CRTC1: variants seen among roughly 807,000 people sequenced by gnomAD.
CRTC1 encodes CREB-regulated transcription coactivator 1.
In CRTC1, 18 loss-of-function variants were observed where a neutral mutation model predicts 66.1. The ratio of observed to expected loss-of-function variants is 0.27; its 90% CI spans 0.19 to 0.40. The LOEUF is 0.40. Among genes scored for constraint, CRTC1 ranks in the 10% least tolerant of loss-of-function variants. The pLI, the probability that CRTC1 is intolerant of heterozygous loss-of-function variation, is 1.00. For missense variants in CRTC1, 669 were observed against 887.9 expected (o/e 0.75, Z 3.13); for synonymous variants, 416 against 398.8 (o/e 1.04, Z -0.51).
intron 1 of CRTC1, among the ~76,000 whole-genome samples, chr19:18,690,209 G>A (rs1361907509): frequency 6.6e-6 from 1 of 151,982 alleles, no homozygotes; most frequent in Non-Finnish European, 1.5e-5. Context: ...AAGTACCCAG[G>A]CAAGACAGTC....
intron 1 of CRTC1, among the ~76,000 whole-genome samples, chr19:18,735,850 C>G (rs982588627): frequency 6.6e-6 from 1 of 152,212 alleles, no homozygotes; most frequent in African/African-American, 2.4e-5. Flanking sequence ...GCCTGGAGAT[C>G]TAATGCTTGC....
At chr19:18,776,669 G>A (rs2054996209) in intron 13 of CRTC1, among the ~76,000 whole-genome samples, 2 of 152,230 alleles carry the variant, frequency 1.3e-5, no homozygotes, top group East Asian at 3.9e-4. Context: ...AGAAAGACAG[G>A]GCGTTTCAGC....
intron 1 of CRTC1, among the ~76,000 whole-genome samples, chr19:18,737,742 C>G (rs4500880): frequency 0.021 from 3,075 of 148,578 alleles, 105 homozygotes; most frequent in African/African-American, 0.074. Flanking sequence ...TGCTGCTGCT[C>G]CTCCTCCTCC....
chr19:18,779,430 A>G lies in CRTC1; in HGVS notation c.*2048A>G. On this transcript the variant is annotated 3_prime_UTR_variant, in exon 14 of 14. Transcript: ENST00000321949. ...GTCAAGGTCCCTTTCTCTTACCATG[A>G]CAGAGGCTGGGGGCAGACAGCGGGG... The G allele has an allele frequency of 4.5e-6, 1 of 221,612 alleles. No individual in the cohort carries two copies. The highest frequency in any genetic ancestry group is 2.3e-5 in the African/African-American group (1 of 44,388). The allele number at this position is 221,612 out of a possible 1,614,324, so 13.7% of individuals were successfully genotyped here.
In CRTC1 at chr19:18,768,733, T is replaced by A. The variant is rs1294828148; in HGVS notation, c.1260T>A (p.Ser420=). 1.3e-6 allele frequency: 2 copies of A among 1,598,248 alleles called. No homozygotes were observed. The highest frequency in any genetic ancestry group is 2.3e-5 in the South Asian group (2 of 88,292). The change falls in exon 10 of 14, where the codon TCT becomes TCA. Residue 420 remains serine, a synonymous_variant. Coordinates refer to ENST00000321949, the MANE Select transcript of CRTC1 (RefSeq NM_015321.3). This position sits in a 1 kb window ranked among gnomAD's most constrained non-coding sequence, Gnocchi z 5.6. Reference sequence around the variant, plus strand: ...CGCTTGCAGTCACGGTACCGTCCTCTCTCCCCCAGTCCCCCCCAGAGAACC... The same window carrying A: ...CGCTTGCAGTCACGGTACCGTCCTCACTCCCCCAGTCCCCCCCAGAGAACC... The part of the protein sequence containing the change: ...PPPLAVTVPS[S]LPQSPPENPG...
chr19:18,693,969 C>T (rs868781185), intron 1 of CRTC1, among the ~76,000 whole-genome samples: 1 of 151,796 alleles, frequency 6.6e-6, no homozygotes, highest in South Asian at 2.1e-4. Context: ...CCTGTCTCTA[C>T]TAAAATACAA....
chr19:18,694,721 T>C (rs1257445977), intron 1 of CRTC1, among the ~76,000 whole-genome samples: 9 of 151,976 alleles, frequency 5.9e-5, no homozygotes, highest in Admixed American at 5.9e-4. Flanking sequence ...CAGGTGTGAG[T>C]CACTGCGCCA....
chr19:18,689,845 A>G (rs954734002), intron 1 of CRTC1, among the ~76,000 whole-genome samples: 2 of 151,414 alleles, frequency 1.3e-5, no homozygotes, highest in African/African-American at 2.4e-5. Flanking sequence ...TTCTCAGAGC[A>G]TGTGCTGGGG....
chr19:18,705,682 T>C (rs2053245990), intron 1 of CRTC1, among the ~76,000 whole-genome samples: 1 of 152,226 alleles, frequency 6.6e-6, no homozygotes, highest in African/African-American at 2.4e-5. Flanking sequence ...CATTTTATGT[T>C]CCTACCAACA....
intron 1 of CRTC1, among the ~76,000 whole-genome samples, chr19:18,697,686 T>G (rs1361317905): frequency 6.6e-6 from 1 of 152,190 alleles, no homozygotes; most frequent in Non-Finnish European, 1.5e-5. Context: ...TGGATCATGG[T>G]GAGACGTGAA....
chr19:18,770,138 C>T (rs1208548523), intron 10 of CRTC1, among the ~76,000 whole-genome samples: 1 of 152,100 alleles, frequency 6.6e-6, no homozygotes, highest in Non-Finnish European at 1.5e-5. Context: ...CATTCAGTGA[C>T]TGGCTCAGAC....
intron 9 of CRTC1, 66 bp downstream of exon 9, chr19:18,765,594 C>T (rs930760331): frequency 1.1e-4 from 163 of 1,469,868 alleles, no homozygotes; most frequent in Non-Finnish European, 1.7e-5. Flanking sequence ...GGCTCTACCT[C>T]TTAGAAGGCC....
chr19:18,774,778 C>CATCA, intron 11 of CRTC1, 122 bp from the exon 12 acceptor site: 2 of 861,252 alleles, frequency 2.3e-6, no homozygotes, highest in South Asian at 3.0e-5. Flanking sequence ...TAAGCATCAT[C>CATCA]ATCAGCCTCC....
rs2055041374 is a variant in CRTC1, at chr19:18,778,393, A to C, written c.*1011A>C. 1 of 232,506 alleles carries C rather than the reference A, an allele frequency of 4.3e-6. No homozygotes were observed. Among genetic ancestry groups the C allele is most frequent in the Non-Finnish European group, 8.5e-6 (1 of 117,564 alleles). 14.4% of individuals were successfully genotyped at this position (232,506 alleles called of 1,614,324 possible). On this transcript the variant is annotated 3_prime_UTR_variant, in exon 14 of 14. Transcript: ENST00000321949. ...GAGCATGTTTTTATTTCAGAAATCCAACTTTACCTATTTTTTAAGCTAACT... is the reference window on the plus strand; with the variant it reads ...GAGCATGTTTTTATTTCAGAAATCCCACTTTACCTATTTTTTAAGCTAACT...
chr19:18,759,896 C>G (rs1025689736), intron 7 of CRTC1, 112 bp from the exon 8 acceptor site: 1 of 869,980 alleles, frequency 1.1e-6, no homozygotes, highest in African/African-American at 1.7e-5. Context: ...CACACGGCAC[C>G]TGATGGGGGG....
chr19:18,740,740 A>G (rs945759583), intron 1 of CRTC1, among the ~76,000 whole-genome samples: 6 of 152,186 alleles, frequency 3.9e-5, no homozygotes, highest in Admixed American at 3.9e-4. Context: ...GCGGTGACTC[A>G]TTCCTGTAAT....
In CRTC1 at chr19:18,771,216, C is replaced by T. The variant is rs79319651; in HGVS notation, c.1321-226C>T. ...AAGGAGGGCAGTTATTCACCCTCCACGCCGTTCCTTCCTGGGTTCGGGGGC... is the reference window on the plus strand; with the variant it reads ...AAGGAGGGCAGTTATTCACCCTCCATGCCGTTCCTTCCTGGGTTCGGGGGC... On this transcript the variant is annotated intron_variant, in intron 10 of 13. Coordinates refer to ENST00000321949, the MANE Select transcript of CRTC1 (RefSeq NM_015321.3). This position sits in a 1 kb window ranked among gnomAD's most constrained non-coding sequence, Gnocchi z 4.6. Among the ~76,000 whole-genome samples the T allele has an allele frequency of 0.066, 9,769 of 147,506 alleles. 1,026 individuals carry two copies. Among genetic ancestry groups the T allele is most frequent in the African/African-American group, 0.23 (9,108 of 40,110 alleles).
At chr19:18,734,893 G>A (rs921866148) in intron 1 of CRTC1, among the ~76,000 whole-genome samples, 2 of 152,254 alleles carry the variant, frequency 1.3e-5, no homozygotes, top group Admixed American at 1.3e-4. Context: ...CTGGAGGTGG[G>A]CAGCAGCTCC....
At chr19:18,765,264 T>G in intron 8 of CRTC1, 140 bp from the exon 9 acceptor site, 1 of 1,282,236 alleles carries the variant, frequency 7.8e-7, no homozygotes, top group East Asian at 2.6e-5. Flanking sequence ...GGTGCCCAGG[T>G]TTGGCAGTTG....
Sources: gnomAD v4.1 joint callset for allele counts (sites outside exome capture counted in the v4.1 genomes callset) on GRCh38, gnomAD v4.1.1 for gene constraint, Gnocchi (gnomAD v3.1) non-coding constraint, MANE v1.5 for transcripts, NCBI Gene and HGNC (gene_info 2026-07-23, HGNC 2026-07-21) for gene names.